The following CSNK1G1 variants were observed in gnomAD, a reference collection of about 807,000 sequenced individuals.
CSNK1G1 encodes the protein casein kinase 1 gamma 1.
A neutral mutation model predicts 59.6 loss-of-function variants in CSNK1G1; 22 were observed. The observed-to-expected ratio is 0.37, with a 90% CI of 0.26 to 0.53. The LOEUF (loss-of-function observed/expected upper bound fraction) is 0.53. Ranked by LOEUF, CSNK1G1 falls within the 20% of genes least tolerant of loss-of-function variation. CSNK1G1 has a pLI of 0.89. For missense variants in CSNK1G1, 384 were observed against 519.5 expected (o/e 0.74, Z 2.54); for synonymous variants, 179 against 177.1 (o/e 1.01, Z -0.08).
At chr15:64,179,954 C>A in intron 11 of CSNK1G1, 1 of 170,232 alleles carries the variant, frequency 5.9e-6, no homozygotes, top group South Asian at 1.5e-4. Context: ...GATTGTACAT[C>A]CAGTTGCTAG....
At chr15:64,204,290 C>T (rs2082148236) in intron 9 of CSNK1G1, 151 bp downstream of exon 9, 1 of 581,542 alleles carries the variant, frequency 1.7e-6, no homozygotes, top group Non-Finnish European at 2.7e-6. Flanking sequence ...TGGCAACACC[C>T]AGACAAGGCT....
At chr15:64,338,592 C>T (rs946002673) in intron 1 of CSNK1G1, among the ~76,000 whole-genome samples, 1 of 143,280 alleles carries the variant, frequency 7.0e-6, no homozygotes, top group African/African-American at 2.6e-5. Context: ...CCCAGCTACG[C>T]AGGAAGCTGA....
intron 1 of CSNK1G1, among the ~76,000 whole-genome samples, chr15:64,347,207 A>G (rs1898024038): frequency 1.3e-5 from 2 of 152,328 alleles, no homozygotes; most frequent in South Asian, 4.1e-4. Flanking sequence ...AGGAATACAA[A>G]ATGGTATAGC....
intron 2 of CSNK1G1, among the ~76,000 whole-genome samples, chr15:64,275,147 T>C (rs1439843626): frequency 6.6e-6 from 1 of 152,162 alleles, no homozygotes; most frequent in Non-Finnish European, 1.5e-5. Context: ...GTTCAAGCAA[T>C]TCTCCTGCCT....
chr15:64,309,914 A>G (rs1374034402), intron 1 of CSNK1G1, among the ~76,000 whole-genome samples: 2 of 151,734 alleles, frequency 1.3e-5, no homozygotes, highest in East Asian at 1.9e-4. Flanking sequence ...ATTCAATACC[A>G]GCTTGGTCAA....
intron 4 of CSNK1G1, among the ~76,000 whole-genome samples, chr15:64,238,494 TAAAAAAAAAA>T (rs1169739046): frequency 1.8e-5 from 1 of 56,436 alleles, no homozygotes; most frequent in Non-Finnish European, 2.8e-5. Flanking sequence ...CCCTGTCCCT[TAAAAAAAAAA>T]AAAAAAAAAA....
At chr15:64,311,003 CAA>C (rs138869466) in intron 1 of CSNK1G1, among the ~76,000 whole-genome samples, 450 of 125,490 alleles carry the variant, frequency 3.6e-3, no homozygotes, top group African/African-American at 8.6e-3. Context: ...GACTCCATCT[CAA>C]AAAAAAAAAA....
At chr15:64,203,046 G>C (rs1050315057) in intron 10 of CSNK1G1, 36 bp downstream of exon 10, 1 of 1,452,430 alleles carries the variant, frequency 6.9e-7, no homozygotes, top group African/African-American at 1.4e-5. Flanking sequence ...CCAAGAAGAA[G>C]GGTAGTGTCT....
At chr15:64,294,242 CT>C (rs1894893339) in intron 2 of CSNK1G1, among the ~76,000 whole-genome samples, 3 of 151,722 alleles carry the variant, frequency 2.0e-5, no homozygotes, top group Admixed American at 1.3e-4. Context: ...CCGGCTAATT[CT>C]TTGTATTTTT....
chr15:64,307,257 G>A (rs928207289), intron 1 of CSNK1G1, among the ~76,000 whole-genome samples: 1 of 151,838 alleles, frequency 6.6e-6, no homozygotes, highest in African/African-American at 2.4e-5. Context: ...GGGGATATAG[G>A]GGAACTCTGT....
At chr15:64,280,742 A>G (rs1894079307) in intron 2 of CSNK1G1, among the ~76,000 whole-genome samples, 1 of 152,138 alleles carries the variant, frequency 6.6e-6, no homozygotes, top group Admixed American at 6.6e-5. Flanking sequence ...TATGCTAAGC[A>G]TTCAGAAACA....
chr15:64,229,642 G>A (rs1222342526), intron 4 of CSNK1G1, among the ~76,000 whole-genome samples: 6 of 151,998 alleles, frequency 3.9e-5, no homozygotes, highest in Admixed American at 3.9e-4. Context: ...CTAATGCAGA[G>A]AAAGAAGAGG....
chr15:64,306,533 G>A (rs1895693037), intron 1 of CSNK1G1, among the ~76,000 whole-genome samples: 1 of 152,292 alleles, frequency 6.6e-6, no homozygotes, highest in South Asian at 2.1e-4. Context: ...TTCACTGCTG[G>A]TGAGAATGCA....
At chr15:64,295,229 T>C (rs1399584081) in intron 2 of CSNK1G1, among the ~76,000 whole-genome samples, 1 of 152,146 alleles carries the variant, frequency 6.6e-6, no homozygotes. Context: ...AATTAACTCA[T>C]TTATGCCTAG....
intron 1 of CSNK1G1, among the ~76,000 whole-genome samples, chr15:64,321,567 T>C (rs1280432292): frequency 6.6e-6 from 1 of 152,190 alleles, no homozygotes; most frequent in African/African-American, 2.4e-5. Flanking sequence ...CCCAGCCTAA[T>C]TAAAGCATTT....
chr15:64,250,428 A>G (rs1207402875), intron 4 of CSNK1G1, among the ~76,000 whole-genome samples: 1 of 152,214 alleles, frequency 6.6e-6, no homozygotes, highest in African/African-American at 2.4e-5. Flanking sequence ...AAATTCCTTC[A>G]GTAGTACCTT....
chr15:64,223,764 CCAT>C (rs941871850), intron 4 of CSNK1G1, among the ~76,000 whole-genome samples: 4 of 152,164 alleles, frequency 2.6e-5, no homozygotes, highest in African/African-American at 9.7e-5. Context: ...AAGAGCCTTT[CCAT>C]CATCAATAAC....
Position 64,166,244 on chromosome 15 carries a change from A to C in CSNK1G1, c.*5687T>G. The stretch of plus-strand genomic sequence containing the variant: ...AGTACAATGGGCAAAGATCAAAGAC[A>C]GATAAATAATAATATAATAAATTAG... On this transcript the variant is annotated 3_prime_UTR_variant, in exon 12 of 12. Transcript: ENST00000303052. The surrounding 1 kb of genome is among the most constrained non-coding windows in gnomAD (Gnocchi z 4.5). 1 of 403,506 alleles carries C rather than the reference A, an allele frequency of 2.5e-6. No individual in the cohort carries two copies. Among genetic ancestry groups the C allele is most frequent in the South Asian group, 8.1e-5 (1 of 12,280 alleles). 25.0% of individuals were successfully genotyped at this position (403,506 alleles called of 1,614,324 possible).
At chr15:64,187,122 T>C (rs72756919) in intron 10 of CSNK1G1, among the ~76,000 whole-genome samples, 6,730 of 151,926 alleles carry the variant, frequency 0.044, 193 homozygotes, top group South Asian at 0.086. Context: ...CGCCTGGCCA[T>C]CCTAGCTAAT....
Sources: gnomAD v4.1 joint callset for allele counts (sites outside exome capture counted in the v4.1 genomes callset) on GRCh38, gnomAD v4.1.1 for gene constraint, Gnocchi (gnomAD v3.1) non-coding constraint, MANE v1.5 for transcripts, NCBI Gene and HGNC (gene_info 2026-07-23, HGNC 2026-07-21) for gene names.